FKBP5: variants seen among roughly 807,000 people sequenced by gnomAD.
FKBP5 encodes the protein peptidyl-prolyl cis-trans isomerase FKBP5.
In FKBP5, 23 loss-of-function variants were observed where a neutral mutation model predicts 50.5. That is an observed-to-expected ratio of 0.46 (90% CI 0.33 to 0.65). The LOEUF is 0.65. FKBP5 is among the 30% of genes least tolerant of loss of function. The pLI is 0.02. For missense variants in FKBP5, 411 were observed against 553.1 expected (o/e 0.74, Z 2.58); for synonymous variants, 176 against 190.6 (o/e 0.92, Z 0.63).
chr6:35,718,542 T>TA (rs1411399447), intron 2 of FKBP5, among the ~76,000 whole-genome samples: 2 of 152,166 alleles, frequency 1.3e-5, no homozygotes, highest in Non-Finnish European at 1.5e-5. Context: ...TGATTCTGAA[T>TA]AAGTCACTTC....
chr6:35,727,750 C>A (rs1766746651), intron 1 of FKBP5, among the ~76,000 whole-genome samples: 1 of 152,076 alleles, frequency 6.6e-6, no homozygotes. Flanking sequence ...CCGGACTGAG[C>A]GCTGGAGAAG....
intron 6 of FKBP5, among the ~76,000 whole-genome samples, chr6:35,591,738 G>A (rs115435699): frequency 6.6e-6 from 1 of 152,148 alleles, no homozygotes; most frequent in Non-Finnish European, 1.5e-5. Flanking sequence ...GAAGGGGAAA[G>A]GCTCACACAT....
chr6:35,579,162 ACACT>A (rs1762336895), intron 9 of FKBP5, among the ~76,000 whole-genome samples: 1 of 147,876 alleles, frequency 6.8e-6, no homozygotes, highest in South Asian at 2.1e-4. Context: ...GCGCGCGCAC[ACACT>A]CTCTCTCTCT....
In FKBP5 at chr6:35,585,663, T is replaced by TTATC. The variant is rs1173335488; in HGVS notation, c.840+1367_840+1370dup. 27 of 930,098 alleles carry TTATC rather than the reference T, an allele frequency of 2.9e-5. No individual in the cohort carries two copies. In the African/African-American group the frequency reaches 4.1e-4, roughly 14 times the overall value. 57.6% of individuals were successfully genotyped at this position (930,098 alleles called of 1,614,324 possible). On this transcript the variant is annotated intron_variant, in intron 8 of 10. Transcript: ENST00000357266. ...AAATAACATATTTATATATTTATAC[T>TTATC]TATCTAAACCCATGATTTAAAATTT...
At chr6:35,586,387 C>G (rs1762599268) in intron 8 of FKBP5, 3 of 985,224 alleles carry the variant, frequency 3.0e-6, no homozygotes, top group Admixed American at 1.2e-4. Flanking sequence ...TAGAAGCAAT[C>G]AATACTCTCC....
intron 3 of FKBP5, among the ~76,000 whole-genome samples, chr6:35,621,199 G>A (rs1249110247): frequency 6.6e-6 from 1 of 152,042 alleles, no homozygotes; most frequent in Non-Finnish European, 1.5e-5. Flanking sequence ...CTGCTCAATT[G>A]TAGAACTATA....
chr6:35,590,097 A>G (rs1371108030), intron 7 of FKBP5, among the ~76,000 whole-genome samples: 1 of 152,220 alleles, frequency 6.6e-6, no homozygotes, highest in Non-Finnish European at 1.5e-5. Context: ...CAGGAGTTTG[A>G]GACCAGCTGG....
intron 1 of FKBP5, among the ~76,000 whole-genome samples, chr6:35,676,960 G>A (rs930474012): frequency 1.3e-5 from 2 of 152,214 alleles, no homozygotes; most frequent in Non-Finnish European, 2.9e-5. Flanking sequence ...TCCCAACTAA[G>A]CTCAAGCTCC....
At chr6:35,638,822 CA>C (rs1764397370) in intron 2 of FKBP5, among the ~76,000 whole-genome samples, 1 of 152,158 alleles carries the variant, frequency 6.6e-6, no homozygotes, top group African/African-American at 2.4e-5. Flanking sequence ...CAATATTCTA[CA>C]AGTGCTCATG....
intron 5 of FKBP5, among the ~76,000 whole-genome samples, chr6:35,609,037 A>G (rs1052149014): frequency 2.6e-5 from 4 of 152,130 alleles, no homozygotes; most frequent in African/African-American, 9.7e-5. Flanking sequence ...GCCTCAAGTG[A>G]CGCCCTCCCA....
chr6:35,652,229 C>T (rs988901205), intron 1 of FKBP5, among the ~76,000 whole-genome samples: 2 of 152,052 alleles, frequency 1.3e-5, no homozygotes, highest in East Asian at 1.9e-4. Context: ...GTAATAATTG[C>T]GTTAAGTACA....
intron 9 of FKBP5, among the ~76,000 whole-genome samples, chr6:35,578,309 C>T (rs554073282): frequency 1.0e-3 from 152 of 152,216 alleles, no homozygotes; most frequent in African/African-American, 3.4e-3. Context: ...CCTCAGCCTC[C>T]GAAAGTCCTG....
rs1482125938 is a variant in FKBP5 at position 35,584,049 on chromosome 6, C to T, written c.840+2985G>A. ...CAGTGTTCTTAGCCTTCTTGCCACTCTGCTGCCAAGTCAGAAAAAAGAAAA... is the reference window on the plus strand; with the variant it reads ...CAGTGTTCTTAGCCTTCTTGCCACTTTGCTGCCAAGTCAGAAAAAAGAAAA... On this transcript the variant is annotated intron_variant, in intron 8 of 10. Coordinates refer to ENST00000357266, the MANE Select transcript of FKBP5 (RefSeq NM_004117.4). 12 of 985,430 alleles carry T rather than the reference C, an allele frequency of 1.2e-5. 1 individual carries two copies. The South Asian group carries it at 5.6e-4, about 46-fold the overall frequency. 61.0% of individuals were successfully genotyped at this position (985,430 alleles called of 1,614,324 possible).
At chr6:35,599,650 G>A (rs1177837149) in intron 5 of FKBP5, among the ~76,000 whole-genome samples, 1 of 152,136 alleles carries the variant, frequency 6.6e-6, no homozygotes, top group African/African-American at 2.4e-5. Context: ...AAACTAGAAA[G>A]GGCCTAACTC....
rs752837632 is a variant in FKBP5, at chr6:35,580,261, A to AGG, written c.841-42_841-41dup. On this transcript the variant is annotated intron_variant, in intron 8 of 10. Transcript: ENST00000357266. ...CGTCATTACTTGTACTCAGCTCTTGAGGGGGTACAAAAGAAAAGCAAATCC... is the reference window on the plus strand; with the variant it reads ...CGTCATTACTTGTACTCAGCTCTTGAGGGGGGGTACAAAAGAAAAGCAAATCC... 20 of 1,516,382 alleles carry AGG rather than the reference A, an allele frequency of 1.3e-5. No individual in the cohort carries two copies. In the South Asian group the frequency reaches 2.4e-4, roughly 18 times the overall value. The allele number at this position is 1,516,382 out of a possible 1,614,324, so 93.9% of individuals were successfully genotyped here. A position where few individuals can be genotyped will look rare whatever the true frequency, so the allele number is the denominator to read the frequency against.
intron 9 of FKBP5, among the ~76,000 whole-genome samples, chr6:35,578,297 C>T (rs539419437): frequency 1.2e-4 from 19 of 152,180 alleles, no homozygotes; most frequent in African/African-American, 3.4e-4. Context: ...GCAATCCTCT[C>T]GCCTCAGCCT....
At chr6:35,658,077 A>T (rs1765003621) in intron 1 of FKBP5, among the ~76,000 whole-genome samples, 1 of 151,110 alleles carries the variant, frequency 6.6e-6, no homozygotes, top group South Asian at 2.1e-4. Flanking sequence ...AAAAAAAAAA[A>T]AAAAAAATAC....
intron 2 of FKBP5, among the ~76,000 whole-genome samples, chr6:35,705,901 G>A (rs1270768399): frequency 1.3e-5 from 2 of 152,198 alleles, no homozygotes; most frequent in East Asian, 3.8e-4. Flanking sequence ...CTTGAGGCCA[G>A]GAGTTAGAGA....
At chr6:35,660,531 G>C (rs112824391) in intron 1 of FKBP5, among the ~76,000 whole-genome samples, 1,197 of 82,500 alleles carry the variant, frequency 0.015, 412 homozygotes, top group African/African-American at 0.041. Context: ...GCCTCCCAAA[G>C]TGCTGGGATT....
Sources: allele counts gnomAD v4.1 joint callset (sites outside exome capture counted in the v4.1 genomes callset), GRCh38; gene constraint gnomAD v4.1.1; transcripts MANE v1.5; gene names NCBI Gene and HGNC (gene_info 2026-07-23, HGNC 2026-07-21).